Variants in KCNQ5 observed in about 807,000 individuals in gnomAD.
KCNQ5 encodes the protein potassium voltage-gated channel subfamily KQT member 5.
A neutral mutation model predicts 98.2 loss-of-function variants in KCNQ5; 30 were observed. The observed-to-expected ratio is 0.31, with a 90% CI of 0.23 to 0.41. KCNQ5 has a LOEUF of 0.41. KCNQ5 is among the 10% of genes least tolerant of loss of function. The pLI is 1.00. For synonymous variants in KCNQ5, 458 were observed against 449.4 expected (o/e 1.02, Z -0.24); for missense variants, 835 against 1,182.5 (o/e 0.71, Z 4.31).
chr6:73,077,217 A>G (rs896002799), intron 3 of KCNQ5, 105 bp from the exon 4 acceptor site: 1 of 1,124,584 alleles, frequency 8.9e-7, no homozygotes, highest in Non-Finnish European at 1.3e-6. Context: ...AGATCTGTTT[A>G]TCTGTACCTT....
At chr6:72,683,675 C>T (rs1767818709) in intron 1 of KCNQ5, among the ~76,000 whole-genome samples, 1 of 151,578 alleles carries the variant, frequency 6.6e-6, no homozygotes, top group Non-Finnish European at 1.5e-5. Flanking sequence ...CCCACATATA[C>T]TTTTTCTCTT....
At chr6:72,934,414 A>G (rs1765814430) in intron 1 of KCNQ5, among the ~76,000 whole-genome samples, 1 of 152,150 alleles carries the variant, frequency 6.6e-6, no homozygotes, top group Admixed American at 6.5e-5. Context: ...GACAGTGGTG[A>G]TAGTGTGATA....
At chr6:73,042,397 A>G (rs1771752288) in intron 3 of KCNQ5, among the ~76,000 whole-genome samples, 1 of 152,178 alleles carries the variant, frequency 6.6e-6, no homozygotes, top group African/African-American at 2.4e-5. Flanking sequence ...CAATTAACTT[A>G]TATGGAAATA....
chr6:72,867,809 C>T (rs1003553782), intron 1 of KCNQ5, among the ~76,000 whole-genome samples: 11 of 151,798 alleles, frequency 7.2e-5, no homozygotes, highest in African/African-American at 2.7e-4. Flanking sequence ...GTGGGACATG[C>T]CTGTGGTCCT....
chr6:72,840,800 G>A (rs569019406), intron 1 of KCNQ5, among the ~76,000 whole-genome samples: 1 of 152,276 alleles, frequency 6.6e-6, no homozygotes, highest in East Asian at 1.9e-4. Flanking sequence ...CCACGGACTA[G>A]GCAGTGGACA....
At chr6:72,701,381 T>G (rs1768797881) in intron 1 of KCNQ5, among the ~76,000 whole-genome samples, 1 of 152,214 alleles carries the variant, frequency 6.6e-6, no homozygotes, top group Admixed American at 6.5e-5. Flanking sequence ...GACAATTTTT[T>G]TAACTTCTGA....
At chr6:72,687,147 A>G (rs529336221) in intron 1 of KCNQ5, among the ~76,000 whole-genome samples, 1 of 152,328 alleles carries the variant, frequency 6.6e-6, no homozygotes, top group South Asian at 2.1e-4. Flanking sequence ...CAGAAGTAGC[A>G]TCAATACCAA....
At chr6:72,623,391 A>T (rs77235905) in intron 1 of KCNQ5, among the ~76,000 whole-genome samples, 9 of 143,146 alleles carry the variant, frequency 6.3e-5, no homozygotes, top group South Asian at 4.6e-4. Context: ...GGAGTCAAAG[A>T]GTGTGTGTGT....
In KCNQ5 at chr6:72,946,268, G is replaced by A. The variant is rs769943459; in HGVS notation, c.399-57640G>A. Among the ~76,000 whole-genome samples the A allele has an allele frequency of 1.3e-4, 19 of 151,972 alleles. 1 individual carries two copies. The highest frequency in any genetic ancestry group is 1.0e-4 in the Non-Finnish European group (7 of 68,004). On this transcript the variant is annotated intron_variant, in intron 1 of 13. Transcript: ENST00000370398. ...CAATGTTAAAGCAATTATGCCTCTC[G>A]GATGAAGTGTTACATTTTAAACAAA...
intron 1 of KCNQ5, among the ~76,000 whole-genome samples, chr6:72,653,542 G>A (rs754928024): frequency 3.3e-5 from 5 of 151,830 alleles, no homozygotes; most frequent in Admixed American, 1.3e-4. Flanking sequence ...TCATTATACC[G>A]TTCATTAAAA....
intron 2 of KCNQ5, among the ~76,000 whole-genome samples, chr6:73,040,202 T>G (rs1771627946): frequency 6.6e-6 from 1 of 152,222 alleles, no homozygotes; most frequent in African/African-American, 2.4e-5. Flanking sequence ...TGGTGTCATC[T>G]GTTTCCATGA....
At chr6:73,177,903 G>A (rs539565609) in intron 11 of KCNQ5, among the ~76,000 whole-genome samples, 1 of 152,152 alleles carries the variant, frequency 6.6e-6, no homozygotes, top group Admixed American at 6.5e-5. Context: ...CATTTGCTCC[G>A]AGGCTGTGTT....
At chr6:72,940,453 GC>G (rs1766170208) in intron 1 of KCNQ5, among the ~76,000 whole-genome samples, 1 of 151,946 alleles carries the variant, frequency 6.6e-6, no homozygotes, top group South Asian at 2.1e-4. Context: ...CCCTACTCAT[GC>G]CCCAGCAAGG....
intron 11 of KCNQ5, among the ~76,000 whole-genome samples, chr6:73,173,790 GAA>G (rs909439971): frequency 6.9e-6 from 1 of 145,652 alleles, no homozygotes. Flanking sequence ...TCTCTAAAGG[GAA>G]AAAAAAAAAA....
At chr6:72,771,610 A>T (rs1327435178) in intron 1 of KCNQ5, among the ~76,000 whole-genome samples, 1 of 151,300 alleles carries the variant, frequency 6.6e-6, no homozygotes, top group Non-Finnish European at 1.5e-5. Flanking sequence ...ACTATGTGAG[A>T]TGATGGATAT....
chr6:72,941,321 T>TTTCCTTCCTTCC (rs1207605174), intron 1 of KCNQ5, among the ~76,000 whole-genome samples: 26 of 65,250 alleles, frequency 4.0e-4, no homozygotes, highest in African/African-American at 7.7e-4. Context: ...TCCTTCCTTC[T>TTTCCTTCCTTCC]TTCCTTCCTT....
chr6:72,764,989 A>G (rs571409758), intron 1 of KCNQ5, among the ~76,000 whole-genome samples: 1 of 152,122 alleles, frequency 6.6e-6, no homozygotes, highest in African/African-American at 2.4e-5. Flanking sequence ...TGTATTGTGT[A>G]TATGTACCGC....
At chr6:72,885,793 T>C (rs774163260) in intron 1 of KCNQ5, among the ~76,000 whole-genome samples, 5 of 152,126 alleles carry the variant, frequency 3.3e-5, no homozygotes, top group African/African-American at 4.8e-5. Context: ...GGGTCCCAAG[T>C]AAAGCAAAAA....
At chr6:72,970,657 C>T (rs537118508) in intron 1 of KCNQ5, among the ~76,000 whole-genome samples, 8 of 152,238 alleles carry the variant, frequency 5.3e-5, no homozygotes, top group Non-Finnish European at 1.0e-4. Context: ...GAGATATAGA[C>T]TAATGGAACA....
Sources: gnomAD v4.1 joint callset for allele counts (sites outside exome capture counted in the v4.1 genomes callset) on GRCh38, gnomAD v4.1.1 for gene constraint, MANE v1.5 for transcripts, NCBI Gene and HGNC (gene_info 2026-07-23, HGNC 2026-07-21) for gene names.